The following ZNF555 variants were observed in gnomAD, a reference collection of about 807,000 sequenced individuals.
ZNF555 encodes zinc finger protein 555.
Under a neutral mutation model 14.0 loss-of-function variants are expected in ZNF555, and 10 were observed. The ratio of observed to expected loss-of-function variants is 0.72; its 90% CI spans 0.44 to 1.21. The LOEUF is 1.21. Ranked by LOEUF, ZNF555 falls within the 50% of genes most tolerant of loss-of-function variation. ZNF555 has a pLI of 0.00. For missense variants in ZNF555, 747 were observed against 762.0 expected (o/e 0.98, Z 0.23); for synonymous variants, 277 against 262.4 (o/e 1.06, Z -0.54).
Position 2,859,614 on chromosome 19 carries a change from C to T in ZNF555, c.*5662C>T, listed in dbSNP as rs755599998. 1 of 152,222 alleles carries T rather than the reference C, an allele frequency of 6.6e-6. No individual in the cohort carries two copies. Among genetic ancestry groups the T allele is most frequent in the Admixed American group, 6.5e-5 (1 of 15,278 alleles). 9.4% of individuals were successfully genotyped at this position (152,222 alleles called of 1,614,324 possible). On this transcript the variant is annotated 3_prime_UTR_variant, in exon 4 of 4. Transcript: ENST00000334241. Reference sequence around the variant, plus strand: ...CTTAGAATATGAGCCGTGTCAGGGGCTACAGCATCATCACTCTTGTCCTGT... The same window carrying T: ...CTTAGAATATGAGCCGTGTCAGGGGTTACAGCATCATCACTCTTGTCCTGT...
Position 2,852,955 on chromosome 19 carries a change from C to T in ZNF555, c.890C>T (p.Ser297Leu). The part of the protein sequence containing the change: ...KECAEAFSYS[S>L]TFRRHMISHT... ...TGTGCGGAAGCCTTTAGTTATTCCT[C>T]AACTTTTCGAAGACATATGATTTCA... The change falls in exon 4 of 4, where the codon TCA (serine) becomes TTA (leucine). Residue 297 changes from serine (S) to leucine (L), a missense_variant. Coordinates refer to ENST00000334241, the MANE Select transcript of ZNF555 (RefSeq NM_152791.5). The T allele has an allele frequency of 6.2e-7, 1 of 1,614,232 alleles. No individual in the cohort carries two copies. Among genetic ancestry groups the T allele is most frequent in the Non-Finnish European group, 8.5e-7 (1 of 1,180,042 alleles).
At position 2,854,211 on chromosome 19, in the gene ZNF555, G is replaced by A; in HGVS notation, c.*259G>A. 2.2e-6 allele frequency: 1 copy of A among 456,138 alleles called. No individual in the cohort carries two copies. Among genetic ancestry groups the A allele is most frequent in the Non-Finnish European group, 3.9e-6 (1 of 256,934 alleles). The allele number at this position is 456,138 out of a possible 1,614,324, so 28.3% of individuals were successfully genotyped here. On this transcript the variant is annotated 3_prime_UTR_variant, in exon 4 of 4. Transcript: ENST00000334241. ...AATTGTAACTGACTTAGTGTGACAG[G>A]TATTGGATATTACGTATCTATTATA... is the stretch of plus-strand genomic sequence containing the variant.
At chr19:2,850,790 G>A in intron 2 of ZNF555, 77 bp downstream of exon 2, 1 of 1,567,712 alleles carries the variant, frequency 6.4e-7, no homozygotes, top group Non-Finnish European at 8.7e-7. Context: ...CCTGTTCCAA[G>A]GCTTGGAATG....
intron 1 of ZNF555, among the ~76,000 whole-genome samples, chr19:2,845,551 A>C (rs2087575259): frequency 6.6e-6 from 1 of 152,168 alleles, no homozygotes. Flanking sequence ...CTTTTCATAG[A>C]GGTTGTACTA....
rs2087668611 is a variant in ZNF555, at chr19:2,854,647, G to A, written c.*695G>A. On this transcript the variant is annotated 3_prime_UTR_variant, in exon 4 of 4. Transcript: ENST00000334241. ...GGGTCACATTAAATGGAGATGGACA[G>A]ATGCATAGGGGCTTTGTGAACATCA... 1 of 152,464 alleles carries A rather than the reference G, an allele frequency of 6.6e-6. No individual in the cohort carries two copies. The allele number at this position is 152,464 out of a possible 1,614,324, so 9.4% of individuals were successfully genotyped here. A position where few individuals can be genotyped will look rare whatever the true frequency, so the allele number is the denominator to read the frequency against.
rs1491002010 is a variant in ZNF555, at chr19:2,854,949, G to A, written c.*997G>A. On this transcript the variant is annotated 3_prime_UTR_variant, in exon 4 of 4. Transcript: ENST00000334241. ...CTGTAGATCTTAACATATTTGCATGGGGTCTAATTTATATAGTGAACACCT... is the reference window on the plus strand; with the variant it reads ...CTGTAGATCTTAACATATTTGCATGAGGTCTAATTTATATAGTGAACACCT... The A allele has an allele frequency of 6.6e-6, 1 of 152,088 alleles. No individual in the cohort carries two copies. The allele number at this position is 152,088 out of a possible 1,614,324, so 9.4% of individuals were successfully genotyped here. A position where few individuals can be genotyped will look rare whatever the true frequency, so the allele number is the denominator to read the frequency against.
At position 2,852,597 on chromosome 19, in the gene ZNF555, G is replaced by C. The variant is rs1331621692; in HGVS notation, c.532G>C (p.Gly178Arg). Residue 178 changes from glycine (G) to arginine (R), a missense_variant, in exon 4 of 4, where the codon GGG becomes CGG. Gly to Arg is a moderately radical substitution (Grantham distance 125, BLOSUM62 -2). Transcript: ENST00000334241. ...CAAACCATATCAGTGCCAGGAATGT[G>C]GGCAGGCCTACAGTTGTCGTTCACA... ...GHKPYQCQECGQAYSCRSHLR... is the reference protein window; with the variant it reads ...GHKPYQCQECRQAYSCRSHLR... The C allele has an allele frequency of 6.2e-7, 1 of 1,614,114 alleles. No individual in the cohort carries two copies. Among genetic ancestry groups the C allele is most frequent in the East Asian group, 2.2e-5 (1 of 44,892 alleles).
intron 1 of ZNF555, among the ~76,000 whole-genome samples, chr19:2,846,905 C>T (rs2087586641): frequency 6.6e-6 from 1 of 152,186 alleles, no homozygotes; most frequent in South Asian, 2.1e-4. Flanking sequence ...GAAACTACTA[C>T]TTCACATTCC....
intron 3 of ZNF555, among the ~76,000 whole-genome samples, 159 bp downstream of exon 3, chr19:2,851,810 T>C (rs2087632714): frequency 6.6e-6 from 1 of 152,194 alleles, no homozygotes; most frequent in South Asian, 2.1e-4. Context: ...AAATGTGACA[T>C]AGACAGTGAG....
intron 2 of ZNF555, 94 bp downstream of exon 2, chr19:2,850,807 G>T: frequency 1.3e-6 from 2 of 1,505,666 alleles, no homozygotes; most frequent in Admixed American, 2.0e-5. Context: ...AATGTGGAAA[G>T]GGAATAAATT....
In ZNF555 at chr19:2,855,893, G is replaced by T. The variant is rs2087679494; in HGVS notation, c.*1941G>T. 6.6e-6 allele frequency: 1 copy of T among 151,910 alleles called. No homozygotes were observed. The highest frequency in any genetic ancestry group is 2.1e-4 in the South Asian group (1 of 4,792). 9.4% of individuals were successfully genotyped at this position (151,910 alleles called of 1,614,324 possible). ...TTTTATACATACACACCACTCATTGGGTTAGGCCCCACTCTACTTCAGTAT... is the reference window on the plus strand; with the variant it reads ...TTTTATACATACACACCACTCATTGTGTTAGGCCCCACTCTACTTCAGTAT... On this transcript the variant is annotated 3_prime_UTR_variant, in exon 4 of 4. Transcript: ENST00000334241.
chr19:2,851,607 T>C lies in ZNF555; in HGVS notation c.270T>C (p.Ser90=). The change falls in exon 3 of 4, where the codon AGT becomes AGC. Residue 90 remains serine (S), a synonymous_variant. Transcript: ENST00000334241. ...WASVLGKIWD[S]LSIEDQTTNQ... ...CTGTTTTAGGAAAAATTTGGGACAG[T>C]CTTAGCATCGAAGATCAAACCACAA... 6.2e-7 allele frequency: 1 copy of C among 1,604,722 alleles called. No individual in the cohort carries two copies. Among genetic ancestry groups the C allele is most frequent in the Non-Finnish European group, 8.5e-7 (1 of 1,177,408 alleles).
chr19:2,855,593 A>G lies in ZNF555; in HGVS notation c.*1641A>G, dbSNP rs574387315. 1 of 152,262 alleles carries G rather than the reference A, an allele frequency of 6.6e-6. No homozygotes were observed. Among genetic ancestry groups the G allele is most frequent in the Admixed American group, 6.5e-5 (1 of 15,276 alleles). The allele number at this position is 152,262 out of a possible 1,614,324, so 9.4% of individuals were successfully genotyped here. A position where few individuals can be genotyped will look rare whatever the true frequency, so the allele number is the denominator to read the frequency against. On this transcript the variant is annotated 3_prime_UTR_variant, in exon 4 of 4. Coordinates refer to ENST00000334241, the MANE Select transcript of ZNF555 (RefSeq NM_152791.5). ...AAAAAATCCTATTTACTGTGCTTTC[A>G]AATTAGTTGTTTAGAGACTATATTA...
In ZNF555 at chr19:2,852,651, G is replaced by GGA; in HGVS notation, c.593_594dup (p.Pro199AspfsTer22). 6.2e-7 allele frequency: 1 copy of GGA among 1,614,206 alleles called. No homozygotes were observed. The highest frequency in any genetic ancestry group is 8.5e-7 in the Non-Finnish European group (1 of 1,180,038). On this transcript the variant is annotated frameshift_variant, in exon 4 of 4. Coordinates refer to ENST00000334241, the MANE Select transcript of ZNF555 (RefSeq NM_152791.5). LOFTEE classifies it low-confidence loss of function (END_TRUNC). ...AAGAATGCATGTGAGAACCCACAAT[G>GGA]GAGAGAGACCCTATGTGTGTAAATT... is the stretch of plus-strand genomic sequence containing the variant.
chr19:2,843,855 C>G (rs2087559037), intron 1 of ZNF555, among the ~76,000 whole-genome samples: 1 of 151,950 alleles, frequency 6.6e-6, no homozygotes, highest in Admixed American at 6.6e-5. Flanking sequence ...GGCTGTGTCC[C>G]TTTACTTTGT....
rs11084961 is a variant in ZNF555 at position 2,851,915 on chromosome 19, C to G, written c.314+264C>G. Reference sequence around the variant, plus strand: ...CCTGTAATCCTGGCACTTTGGAAGGCTGAAGTGGGCAGATCACTTGAGGAC... The same window carrying G: ...CCTGTAATCCTGGCACTTTGGAAGGGTGAAGTGGGCAGATCACTTGAGGAC... On this transcript the variant is annotated intron_variant, in intron 3 of 3. Coordinates refer to ENST00000334241, the MANE Select transcript of ZNF555 (RefSeq NM_152791.5). 0.2 allele frequency among the ~76,000 whole-genome samples: 30,444 copies of G among 152,148 alleles called. 4,640 individuals are homozygous for G. Among genetic ancestry groups the G allele is most frequent in the East Asian group, 0.67 (3,464 of 5,158 alleles).
rs2087707456 is a variant in ZNF555 at position 2,858,978 on chromosome 19, A to T, written c.*5026A>T. The T allele has an allele frequency of 2.0e-5, 3 of 152,472 alleles. No homozygotes were observed. The highest frequency in any genetic ancestry group is 4.8e-5 in the African/African-American group (2 of 41,566). 9.4% of individuals were successfully genotyped at this position (152,472 alleles called of 1,614,324 possible). On this transcript the variant is annotated 3_prime_UTR_variant, in exon 4 of 4. Coordinates refer to ENST00000334241, the MANE Select transcript of ZNF555 (RefSeq NM_152791.5). The stretch of plus-strand genomic sequence containing the variant: ...AGCTCCTCACGTGCCTCCTCCCCAC[A>T]GTCCAGGACGCGTCTTACTAACGCC...
At chr19:2,850,372 C>G (rs1203359542) in intron 1 of ZNF555, among the ~76,000 whole-genome samples, 1 of 152,034 alleles carries the variant, frequency 6.6e-6, no homozygotes, top group Non-Finnish European at 1.5e-5. Flanking sequence ...TCAGTTGGTC[C>G]CAGTAAAAGT....
At chr19:2,847,917 A>G (rs1398716665) in intron 1 of ZNF555, among the ~76,000 whole-genome samples, 1 of 152,166 alleles carries the variant, frequency 6.6e-6, no homozygotes, top group Non-Finnish European at 1.5e-5. Flanking sequence ...GAAGCAGGGA[A>G]CACTCCAGCC....
Sources: allele counts gnomAD v4.1 joint callset (sites outside exome capture counted in the v4.1 genomes callset), GRCh38; gene constraint gnomAD v4.1.1; transcripts MANE v1.5; gene names NCBI Gene and HGNC (gene_info 2026-07-23, HGNC 2026-07-21).